IMPACT: variants seen among roughly 807,000 people sequenced by gnomAD.
The protein encoded by IMPACT is impact RWD domain protein.
In IMPACT, 35 loss-of-function variants were observed where a neutral mutation model predicts 47.5. The ratio of observed to expected loss-of-function variants is 0.74; its 90% CI spans 0.56 to 0.98. IMPACT has a LOEUF of 0.98. IMPACT is among the 50% of genes least tolerant of loss of function. The pLI, the probability that IMPACT is intolerant of heterozygous loss-of-function variation, is 0.00. For missense variants in IMPACT, 373 were observed against 394.8 expected (o/e 0.94, Z 0.47); for synonymous variants, 118 against 125.6 (o/e 0.94, Z 0.40).
intron 8 of IMPACT, among the ~76,000 whole-genome samples, chr18:24,445,722 T>C (rs1909233857): frequency 6.6e-6 from 1 of 152,224 alleles, no homozygotes; most frequent in South Asian, 2.1e-4. Flanking sequence ...TTCCCAATGC[T>C]TTATTTACCC....
intron 4 of IMPACT, among the ~76,000 whole-genome samples, chr18:24,435,189 G>C (rs901766025): frequency 5.3e-5 from 8 of 151,952 alleles, no homozygotes; most frequent in African/African-American, 1.9e-4. Flanking sequence ...AGACTTGTCT[G>C]AAATTCCTGG....
At chr18:24,448,914 T>A (rs770868844) in intron 9 of IMPACT, among the ~76,000 whole-genome samples, 2 of 152,196 alleles carry the variant, frequency 1.3e-5, no homozygotes, top group Non-Finnish European at 2.9e-5. Flanking sequence ...ATTGGATTAT[T>A]TTTTTCCTAA....
intron 4 of IMPACT, among the ~76,000 whole-genome samples, chr18:24,436,090 T>A (rs979958975): frequency 2.0e-5 from 3 of 152,176 alleles, no homozygotes; most frequent in African/African-American, 7.2e-5. Flanking sequence ...CATATAAAGT[T>A]TAGTCGAGCT....
At chr18:24,442,221 T>C (rs942872186) in intron 6 of IMPACT, among the ~76,000 whole-genome samples, 1 of 142,744 alleles carries the variant, frequency 7.0e-6, no homozygotes, top group Non-Finnish European at 1.5e-5. Context: ...TGGCACAAAC[T>C]CGGCTCACTG....
At chr18:24,447,180 T>C (rs16940749) in intron 8 of IMPACT, among the ~76,000 whole-genome samples, 9,325 of 152,170 alleles carry the variant, frequency 0.061, 917 homozygotes, top group African/African-American at 0.21. Context: ...GAAGGATGAG[T>C]GAATGAATGA....
chr18:24,429,927 G>C (rs1268806400), intron 3 of IMPACT, among the ~76,000 whole-genome samples: 1 of 151,892 alleles, frequency 6.6e-6, no homozygotes, highest in African/African-American at 2.4e-5. Flanking sequence ...ACAGGTGCCC[G>C]CCACCACACC....
chr18:24,440,463 G>T (rs200719658), intron 5 of IMPACT, 33 bp from the exon 6 acceptor site: 1 of 1,600,734 alleles, frequency 6.2e-7, no homozygotes, highest in South Asian at 1.1e-5. Flanking sequence ...TCTTACCTGC[G>T]TCATAAAGTA....
Position 24,448,164 on chromosome 18 carries a change from G to A in IMPACT, c.740G>A (p.Arg247His), listed in dbSNP as rs766106939. Reference protein sequence around the residue: ...EDDGETAAGGRLLHLMEILNV... With the variant: ...EDDGETAAGGHLLHLMEILNV... The stretch of plus-strand genomic sequence containing the variant: ...GATGGGGAAACAGCAGCTGGTGGGC[G>A]TCTTCTTCATCTCATGGAGGTAGGT... The change falls in exon 9 of 11, where the codon CGT (arginine) becomes CAT (histidine). Residue 247 changes from arginine (R) to histidine (H), a missense_variant. Physicochemically the swap from Arg to His is conservative, Grantham distance 29 (BLOSUM62 0). Coordinates refer to ENST00000284202, the MANE Select transcript of IMPACT (RefSeq NM_018439.4). 6.3e-5 allele frequency: 102 copies of A among 1,612,400 alleles called. No individual in the cohort carries two copies. The highest frequency in any genetic ancestry group is 8.1e-5 in the Non-Finnish European group (96 of 1,178,700).
chr18:24,429,006 T>G, intron 3 of IMPACT, 85 bp downstream of exon 3: 1 of 850,398 alleles, frequency 1.2e-6, no homozygotes, highest in Non-Finnish European at 1.8e-6. Flanking sequence ...TTACATAAAA[T>G]ACCTTTCTTA....
At chr18:24,429,130 A>C (rs1200435727) in intron 3 of IMPACT, among the ~76,000 whole-genome samples, 1 of 152,242 alleles carries the variant, frequency 6.6e-6, no homozygotes, top group Non-Finnish European at 1.5e-5. Flanking sequence ...AGAGAATCAC[A>C]AGGTTCGTAG....
Position 24,443,081 on chromosome 18 carries a change from C to G in IMPACT, c.523C>G (p.His175Asp), listed in dbSNP as rs1193511567. 1.2e-6 allele frequency: 2 copies of G among 1,602,268 alleles called. No individual in the cohort carries two copies. The highest frequency in any genetic ancestry group is 1.7e-6 in the Non-Finnish European group (2 of 1,171,958). The change falls in exon 7 of 11, where the codon CAT becomes GAT. Residue 175 changes from histidine to aspartate, a missense_variant. Transcript: ENST00000284202. ...AGTAGAAGAATTACCTCCGATTGAT[C>G]ATGGCATTCCTATTACAGACCGAAG... ...VEVEELPPID[H>D]GIPITDRRST... is the part of the protein sequence containing the mutation.
At chr18:24,430,406 A>G in intron 4 of IMPACT, 22 bp downstream of exon 4, 5 of 1,547,212 alleles carry the variant, frequency 3.2e-6, no homozygotes, top group Non-Finnish European at 4.4e-6. Flanking sequence ...GCGATTTTTT[A>G]AAATAATTCT....
chr18:24,427,898 TA>T lies in IMPACT; in HGVS notation c.37-15del. Reference sequence around the variant, plus strand: ...TAAGATGTGTACATTTGTTGACTTTTAAAAAATCAATTTCTTTCAGAATGAG... The same window carrying T: ...TAAGATGTGTACATTTGTTGACTTTTAAAAATCAATTTCTTTCAGAATGAG... On this transcript the variant is annotated intron_variant, in intron 1 of 10. Coordinates refer to ENST00000284202, the MANE Select transcript of IMPACT (RefSeq NM_018439.4). 12 of 1,591,636 alleles carry T rather than the reference TA, an allele frequency of 7.5e-6. No homozygotes were observed. The highest frequency in any genetic ancestry group is 1.0e-5 in the Non-Finnish European group (12 of 1,173,050).
rs556550996 is a variant in IMPACT at position 24,433,360 on chromosome 18, C to T, written c.281+2976C>T. ...GACTACAGGCGCCCGCCACCGCGCC[C>T]GGCTAATTTTTTGTATTTTTAGTAG... is the stretch of plus-strand genomic sequence containing the variant. On this transcript the variant is annotated intron_variant, in intron 4 of 10. Transcript: ENST00000284202. Among the ~76,000 whole-genome samples, 51 of 148,492 alleles carry T rather than the reference C, an allele frequency of 3.4e-4. 1 individual carries two copies. The South Asian group carries it at 7.5e-3, about 22-fold the overall frequency.
chr18:24,434,028 G>A (rs547221428), intron 4 of IMPACT, among the ~76,000 whole-genome samples: 10 of 151,910 alleles, frequency 6.6e-5, no homozygotes, highest in Admixed American at 2.6e-4. Flanking sequence ...GCAGCAAGGG[G>A]GAAATACAGG....
In IMPACT at chr18:24,428,008, CGACGATATA is replaced by C; in HGVS notation, c.129_137del (p.Ile45_Asp47del). On this transcript the variant is annotated inframe_deletion, in exon 2 of 11. Coordinates refer to ENST00000284202, the MANE Select transcript of IMPACT (RefSeq NM_018439.4). ...CCAAAATATTTTGTATTAGAATTAG[CGACGATATA>C]GATGACCCCAAATGGACACTTTGCT... 1 of 1,598,120 alleles carries C rather than the reference CGACGATATA, an allele frequency of 6.3e-7. No homozygotes were observed. The highest frequency in any genetic ancestry group is 1.1e-5 in the South Asian group (1 of 87,530).
chr18:24,445,097 A>G (rs760906943), intron 7 of IMPACT, among the ~76,000 whole-genome samples: 5 of 152,228 alleles, frequency 3.3e-5, no homozygotes, highest in Non-Finnish European at 7.3e-5. Flanking sequence ...GTTTTATATG[A>G]TACATTTAAA....
intron 10 of IMPACT, among the ~76,000 whole-genome samples, chr18:24,450,474 G>A (rs192129609): frequency 5.3e-5 from 8 of 152,114 alleles, no homozygotes; most frequent in Admixed American, 4.6e-4. Context: ...ACTGCCTTGG[G>A]AAAGTGGGGC....
chr18:24,428,404 G>T (rs924060164), intron 2 of IMPACT, among the ~76,000 whole-genome samples: 2 of 152,210 alleles, frequency 1.3e-5, no homozygotes, highest in Non-Finnish European at 2.9e-5. Context: ...ACTCGTAGAG[G>T]AGACAGTCAT....
Sources: gnomAD v4.1 joint callset for allele counts (sites outside exome capture counted in the v4.1 genomes callset) on GRCh38, gnomAD v4.1.1 for gene constraint, MANE v1.5 for transcripts, NCBI Gene and HGNC (gene_info 2026-07-23, HGNC 2026-07-21) for gene names.